The following PDE10A variants were observed in gnomAD, a reference collection of about 807,000 sequenced individuals.
The protein encoded by PDE10A is phosphodiesterase 10A.
PDE10A carries 39 observed loss-of-function variants against 97.7 expected under a neutral mutation model. The ratio of observed to expected loss-of-function variants is 0.40; its 90% CI spans 0.31 to 0.52. The LOEUF is 0.52. Ranked by LOEUF, PDE10A falls within the 20% of genes least tolerant of loss-of-function variation. The pLI is 0.56. For missense variants in PDE10A, 731 were observed against 1,047.8 expected (o/e 0.70, Z 4.17); for synonymous variants, 371 against 376.8 (o/e 0.98, Z 0.18).
chr6:165,956,233 G>C (rs560968380), intron 1 of PDE10A, among the ~76,000 whole-genome samples: 1 of 152,168 alleles, frequency 6.6e-6, no homozygotes, highest in East Asian at 1.9e-4. Context: ...TGGAGAGCAG[G>C]GTACCCTATT....
chr6:165,435,802 A>G (rs1021044320), intron 5 of PDE10A, among the ~76,000 whole-genome samples: 4 of 152,128 alleles, frequency 2.6e-5, no homozygotes, highest in Admixed American at 6.5e-5. Flanking sequence ...ATTTGGTTAC[A>G]TTTTTCATTT....
chr6:165,443,344 A>G (rs1790610676), intron 5 of PDE10A, among the ~76,000 whole-genome samples: 2 of 152,240 alleles, frequency 1.3e-5, no homozygotes, highest in African/African-American at 4.8e-5. Context: ...TAAGGCCCCA[A>G]AATAATCTCC....
intron 1 of PDE10A, among the ~76,000 whole-genome samples, chr6:165,931,346 G>A (rs374056550): frequency 6.6e-6 from 1 of 152,318 alleles, no homozygotes; most frequent in Non-Finnish European, 1.5e-5. Context: ...ATAGTAACTG[G>A]CATATAATAG....
chr6:165,679,627 T>C (rs1171240675), intron 1 of PDE10A, among the ~76,000 whole-genome samples: 1 of 152,216 alleles, frequency 6.6e-6, no homozygotes, highest in African/African-American at 2.4e-5. Flanking sequence ...GGCTGATCTC[T>C]TACACTTTGG....
intron 3 of PDE10A, among the ~76,000 whole-genome samples, chr6:165,474,542 T>A (rs558165729): frequency 6.6e-6 from 1 of 152,208 alleles, no homozygotes; most frequent in Non-Finnish European, 1.5e-5. Context: ...CATCGAGTAT[T>A]ATGCTTATTA....
At position 165,347,854 on chromosome 6, in the gene PDE10A, A is replaced by T. The variant is rs9766967; in HGVS notation, c.2784-4352T>A. 8.0e-3 allele frequency among the ~76,000 whole-genome samples: 1,219 copies of T among 151,914 alleles called. 13 individuals carry two copies. Among genetic ancestry groups the T allele is most frequent in the African/African-American group, 0.028 (1,142 of 41,192 alleles). On this transcript the variant is annotated intron_variant, in intron 18 of 21. Coordinates refer to ENST00000539869, the MANE Select transcript of PDE10A (RefSeq NM_001385079.1). ...CTACATTATGGCATATATATATATA[A>T]AAAACAGGTAACACATCACATAGAC...
Position 165,384,701 on chromosome 6 carries a change from A to G in PDE10A, c.2610+3597T>C, listed in dbSNP as rs926798767. ...GGGGGCGACTAAAGGTTAGCTTTTCAAGTCTATTGTATTATTCTCCTTGCT... is the reference window on the plus strand; with the variant it reads ...GGGGGCGACTAAAGGTTAGCTTTTCGAGTCTATTGTATTATTCTCCTTGCT... On this transcript the variant is annotated intron_variant, in intron 17 of 21. Transcript: ENST00000539869. Among the ~76,000 whole-genome samples the G allele has an allele frequency of 2.0e-5, 3 of 146,752 alleles. 1 individual carries two copies. Among genetic ancestry groups the G allele is most frequent in the African/African-American group, 7.7e-5 (3 of 39,188 alleles).
chr6:165,852,219 G>A (rs1218467150), intron 1 of PDE10A, among the ~76,000 whole-genome samples: 1 of 152,212 alleles, frequency 6.6e-6, no homozygotes, highest in Admixed American at 6.5e-5. Context: ...CAGCCAATGA[G>A]CAGCTCCTGT....
intron 1 of PDE10A, among the ~76,000 whole-genome samples, chr6:165,846,157 T>C (rs765435905): frequency 9.9e-5 from 15 of 152,206 alleles, no homozygotes; most frequent in Non-Finnish European, 1.3e-4. Flanking sequence ...GAGCTGTTAA[T>C]GCCCCCATGC....
intron 1 of PDE10A, among the ~76,000 whole-genome samples, chr6:165,901,047 T>C (rs1206824622): frequency 6.6e-6 from 1 of 152,174 alleles, no homozygotes; most frequent in East Asian, 1.9e-4. Flanking sequence ...TGAAGCACTG[T>C]AGACAGCAGC....
At chr6:165,775,782 G>C (rs986270697) in intron 1 of PDE10A, 13 of 152,164 alleles carry the variant, frequency 8.5e-5, no homozygotes, top group African/African-American at 2.9e-4. Flanking sequence ...TTTAAAGCCA[G>C]TTATTAAAGT....
chr6:165,345,944 G>A (rs574628716), intron 18 of PDE10A, among the ~76,000 whole-genome samples: 23 of 152,254 alleles, frequency 1.5e-4, no homozygotes, highest in Admixed American at 1.3e-3. Flanking sequence ...GCAGAGAGGA[G>A]TGCACGTGAA....
In PDE10A at chr6:165,329,795, T is replaced by C. The variant is rs1781240882; in HGVS notation, c.*3230A>G. 1 of 152,204 alleles carries C rather than the reference T, an allele frequency of 6.6e-6. No homozygotes were observed. Among genetic ancestry groups the C allele is most frequent in the Non-Finnish European group, 1.5e-5 (1 of 68,034 alleles). The allele number at this position is 152,204 out of a possible 1,614,324, so 9.4% of individuals were successfully genotyped here. On this transcript the variant is annotated 3_prime_UTR_variant, in exon 22 of 22. Transcript: ENST00000539869. ...CCTGGGGCACCACTGTAAACATCTGTACCTTCCTTTTCCATTGAAGAGTCA... is the reference window on the plus strand; with the variant it reads ...CCTGGGGCACCACTGTAAACATCTGCACCTTCCTTTTCCATTGAAGAGTCA...
chr6:165,584,881 G>A (rs942015181), intron 1 of PDE10A, among the ~76,000 whole-genome samples: 3 of 152,170 alleles, frequency 2.0e-5, no homozygotes, highest in Admixed American at 2.0e-4. Flanking sequence ...AGGGCAAAGG[G>A]AATATGGAAT....
At chr6:165,455,275 T>C (rs1196126463) in intron 3 of PDE10A, among the ~76,000 whole-genome samples, 1 of 152,136 alleles carries the variant, frequency 6.6e-6, no homozygotes, top group Non-Finnish European at 1.5e-5. Flanking sequence ...AGGTGATCAA[T>C]GAAGTTTTAG....
At chr6:165,387,662 G>A (rs527514063) in intron 17 of PDE10A, among the ~76,000 whole-genome samples, 28 of 152,316 alleles carry the variant, frequency 1.8e-4, no homozygotes, top group Admixed American at 1.5e-3. Flanking sequence ...CTGACAGTGA[G>A]AGGAAAATAT....
At chr6:165,980,269 G>A (rs1441308112) in intron 1 of PDE10A, among the ~76,000 whole-genome samples, 2 of 152,190 alleles carry the variant, frequency 1.3e-5, no homozygotes, top group African/African-American at 4.8e-5. Flanking sequence ...CAGCAGGTAT[G>A]GACAAATGGC....
At chr6:165,920,601 A>G (rs1476095372) in intron 1 of PDE10A, among the ~76,000 whole-genome samples, 1 of 152,118 alleles carries the variant, frequency 6.6e-6, no homozygotes, top group Non-Finnish European at 1.5e-5. Context: ...ACATTTCAGG[A>G]CAAATATAAA....
At chr6:165,582,356 G>A (rs912002007) in intron 1 of PDE10A, among the ~76,000 whole-genome samples, 2 of 152,180 alleles carry the variant, frequency 1.3e-5, no homozygotes, top group African/African-American at 4.8e-5. Flanking sequence ...ACTGTACAGT[G>A]AGAGCTTCTT....
Sources: allele counts gnomAD v4.1 joint callset (sites outside exome capture counted in the v4.1 genomes callset), GRCh38; gene constraint gnomAD v4.1.1; transcripts MANE v1.5; gene names NCBI Gene and HGNC (gene_info 2026-07-23, HGNC 2026-07-21).